The following AGR3 variants were observed in gnomAD, a reference collection of about 807,000 sequenced individuals.
The protein encoded by AGR3 is anterior gradient protein 3.
In AGR3, 37 loss-of-function variants were observed where a neutral mutation model predicts 24.5. The observed-to-expected ratio is 1.51, with a 90% CI of 1.16 to 1.99. The LOEUF is 1.99. AGR3 is among the 30% of genes most tolerant of loss of function. The pLI, the probability that AGR3 is intolerant of heterozygous loss-of-function variation, is 0.00. For missense variants in AGR3, 228 were observed against 191.1 expected (o/e 1.19, Z -1.14); for synonymous variants, 75 against 61.6 (o/e 1.22, Z -1.02).
intron 3 of AGR3, among the ~76,000 whole-genome samples, chr7:16,872,513 A>G (rs1781903024): frequency 6.6e-6 from 1 of 152,198 alleles, no homozygotes; most frequent in African/African-American, 2.4e-5. Flanking sequence ...CCTAGAAGAA[A>G]ATATAAGGGA....
intron 3 of AGR3, among the ~76,000 whole-genome samples, chr7:16,867,518 A>G (rs948191967): frequency 1.3e-5 from 2 of 152,174 alleles, no homozygotes; most frequent in Non-Finnish European, 2.9e-5. Context: ...TGTGGTGAGA[A>G]TATTTAAAAT....
chr7:16,868,542 T>G (rs1781804560), intron 3 of AGR3, among the ~76,000 whole-genome samples: 1 of 152,188 alleles, frequency 6.6e-6, no homozygotes, highest in South Asian at 2.1e-4. Context: ...ATTGAGTTTC[T>G]TGCATATTTG....
At chr7:16,857,086 C>T (rs1417281757), downstream of AGR3, among the ~76,000 whole-genome samples, 1 of 151,142 alleles carries the variant, frequency 6.6e-6, no homozygotes, top group African/African-American at 2.4e-5. Flanking sequence ...AACCCTTGGG[C>T]TAAAGTAATC....
At chr7:16,870,640 G>T (rs549272850) in intron 3 of AGR3, among the ~76,000 whole-genome samples, 10 of 152,154 alleles carry the variant, frequency 6.6e-5, no homozygotes, top group Admixed American at 5.2e-4. Flanking sequence ...TTCAGAATTG[G>T]TGGAGATTAG....
At chr7:16,855,574 G>A (rs1781546196), downstream of AGR3, among the ~76,000 whole-genome samples, 1 of 152,186 alleles carries the variant, frequency 6.6e-6, no homozygotes, top group Non-Finnish European at 1.5e-5. Context: ...GGGCATGGGT[G>A]TGTGAAAGAG....
intron 3 of AGR3, among the ~76,000 whole-genome samples, chr7:16,873,028 T>C (rs111271868): frequency 6.6e-6 from 1 of 152,172 alleles, no homozygotes; most frequent in Non-Finnish European, 1.5e-5. Context: ...ACAGCCATTA[T>C]GCAAACATAT....
chr7:16,871,934 A>G (rs1223588589), intron 3 of AGR3, among the ~76,000 whole-genome samples: 1 of 152,168 alleles, frequency 6.6e-6, no homozygotes, highest in Non-Finnish European at 1.5e-5. Flanking sequence ...ACTATAAAAC[A>G]TTGATGAAAG....
intron 1 of AGR3, among the ~76,000 whole-genome samples, chr7:16,879,552 C>T (rs1782062823): frequency 6.6e-6 from 1 of 152,182 alleles, no homozygotes; most frequent in South Asian, 2.1e-4. Context: ...AACTTTACCT[C>T]AAAATATAAA....
chr7:16,877,337 AT>A (rs1220400274), intron 2 of AGR3, among the ~76,000 whole-genome samples: 10 of 147,776 alleles, frequency 6.8e-5, no homozygotes, highest in Admixed American at 4.8e-4. Flanking sequence ...TTATAATTAT[AT>A]ATATTTTATA....
At chr7:16,861,671 C>T (rs974832254) in intron 5 of AGR3, among the ~76,000 whole-genome samples, 9 of 151,918 alleles carry the variant, frequency 5.9e-5, no homozygotes, top group Non-Finnish European at 1.3e-4. Context: ...GAGGCTGAGG[C>T]GGGTGGATCA....
intron 2 of AGR3, 31 bp downstream of exon 2, chr7:16,878,479 G>C (rs761850689): frequency 4.4e-6 from 7 of 1,576,192 alleles, no homozygotes; most frequent in Middle Eastern, 1.7e-4. Context: ...CCAAATGACT[G>C]AGTTTAGAAA....
downstream of AGR3, chr7:16,859,321 A>G: frequency 2.9e-6 from 1 of 349,302 alleles, no homozygotes; most frequent in South Asian, 3.7e-5. Context: ...CTGTATAGGC[A>G]CCTCTTATTT....
intron 3 of AGR3, chr7:16,866,062 CTT>C (rs1338859590): frequency 1.9e-5 from 12 of 619,688 alleles, no homozygotes; most frequent in Admixed American, 1.2e-4. Flanking sequence ...GACAGATAGT[CTT>C]TTGAATTTTC....
At chr7:16,862,550 T>C in intron 4 of AGR3, 60 bp downstream of exon 4, 1 of 1,144,372 alleles carries the variant, frequency 8.7e-7, no homozygotes, top group Non-Finnish European at 1.2e-6. Flanking sequence ...CCAGGTCACT[T>C]TTCCTATTTT....
chr7:16,862,273 G>A (rs935451499), intron 4 of AGR3, among the ~76,000 whole-genome samples: 16 of 152,292 alleles, frequency 1.1e-4, no homozygotes, highest in Admixed American at 3.3e-4. Context: ...TCACAGTGAA[G>A]ACACTAGTTT....
In AGR3 at chr7:16,864,773, G is replaced by A. The variant is rs1473200754; in HGVS notation, c.174-2111C>T. 6 of 1,092,860 alleles carry A rather than the reference G, an allele frequency of 5.5e-6. No homozygotes were observed. The East Asian group carries it at 1.4e-4, about 26-fold the overall frequency. 67.7% of individuals were successfully genotyped at this position (1,092,860 alleles called of 1,614,324 possible). A position where few individuals can be genotyped will look rare whatever the true frequency, so the allele number is the denominator to read the frequency against. ...AAACTTGATCCTTCTCCTTGGCAAT[G>A]AGCATATCCTCCGGCTTTGTTGGAA... On this transcript the variant is annotated intron_variant, in intron 3 of 7. Transcript: ENST00000310398.
chr7:16,878,444 G>T (rs1245967228), intron 2 of AGR3, 66 bp downstream of exon 2: 3 of 1,375,028 alleles, frequency 2.2e-6, no homozygotes, highest in South Asian at 1.2e-5. Context: ...TATGAGTGAA[G>T]ACACCAGATA....
rs898423338 is a variant in AGR3 at position 16,859,585 on chromosome 7, T to C, written c.498A>G (p.Leu166=). 1.2e-5 allele frequency: 19 copies of C among 1,554,144 alleles called. No individual in the cohort carries two copies. Among genetic ancestry groups the C allele is most frequent in the African/African-American group, 2.7e-5 (2 of 74,028 alleles). The change falls in exon 8 of 8, where the codon CTA becomes CTG. Residue 166 remains leucine (L), a synonymous_variant. Coordinates refer to ENST00000310398, the MANE Select transcript of AGR3 (RefSeq NM_176813.5). ...KKALRLIQSE[L] The stretch of plus-strand genomic sequence containing the variant: ...GAAGGCTTTTTTCCATCATCTCTTA[T>C]AGCTCTGACTGAATAAGTCTTAATG...
In AGR3 at chr7:16,873,809, A is replaced by T. The variant is rs1461021530; in HGVS notation, c.144T>A (p.Tyr48Ter). The T allele has an allele frequency of 8.1e-6, 13 of 1,613,122 alleles. No homozygotes were observed. The highest frequency in any genetic ancestry group is 1.0e-5 in the Non-Finnish European group (12 of 1,179,382). The change falls in exon 3 of 8, where the codon TAT (tyrosine) becomes TAA (stop). Residue 48 changes from tyrosine (Y) to a stop codon, truncating the protein, a stop_gained. Transcript: ENST00000310398. LOFTEE classifies it high-confidence loss of function. ...TTTGAGCATAAAAGAGACCTTCTTC[A>T]TAAGTTTGTACCCAAGTGATGTCAT... ...WGDDITWVQT[Y>*]EEGLFYAQKS...
Sources: allele counts gnomAD v4.1 joint callset (sites outside exome capture counted in the v4.1 genomes callset), GRCh38; gene constraint gnomAD v4.1.1; transcripts MANE v1.5; gene names NCBI Gene and HGNC (gene_info 2026-07-23, HGNC 2026-07-21).